The following EPB41L3 variants were observed in gnomAD, a reference collection of about 807,000 sequenced individuals.
EPB41L3 encodes erythrocyte membrane protein band 4.1 like 3.
In EPB41L3, 57 loss-of-function variants were observed where a neutral mutation model predicts 127.1. The ratio of observed to expected loss-of-function variants is 0.45; its 90% confidence interval spans 0.36 to 0.56. The LOEUF (loss-of-function observed/expected upper bound fraction) is 0.56, where lower values mean the gene tolerates loss of function less well. Among genes scored for constraint, EPB41L3 ranks in the 20% least tolerant of loss-of-function variants. The pLI is 0.00. For synonymous variants in EPB41L3, 572 were observed against 549.5 expected (o/e 1.04, Z -0.57); for missense variants, 1,273 against 1,372.2 (o/e 0.93, Z 1.14).
intron 3 of EPB41L3, 34 bp downstream of exon 3, chr18:5,478,207 T>C: frequency 6.3e-7 from 1 of 1,591,808 alleles, no homozygotes; most frequent in Non-Finnish European, 8.6e-7. Flanking sequence ...GCTCTCAATA[T>C]CTAGGACAGA....
At chr18:5,630,349 C>A (rs750060102), upstream of EPB41L3, 3 of 517,562 alleles carry the variant, frequency 5.8e-6, no homozygotes, top group South Asian at 4.2e-5. Flanking sequence ...GGCCTACGCC[C>A]GGCTGCCAAG....
intron 3 of EPB41L3, among the ~76,000 whole-genome samples, chr18:5,560,940 ATTATTTATTTATTTATTTAT>A (rs138212314): frequency 0.028 from 3,583 of 128,424 alleles, 145 homozygotes; most frequent in Non-Finnish European, 0.04. Context: ...CATAGTTGTA[ATTATTTATTTATTTATTTAT>A]TTATTTATTT....
Position 5,398,053 on chromosome 18 carries a change from C to G in EPB41L3, c.2440G>C (p.Gly814Arg), listed in dbSNP as rs752522968. 2 of 1,614,132 alleles carry G rather than the reference C, an allele frequency of 1.2e-6. No individual in the cohort carries two copies. The highest frequency in any genetic ancestry group is 3.3e-5 in the Admixed American group (2 of 60,018). The change falls in exon 17 of 23, where the codon GGG becomes CGG. Residue 814 changes from glycine (G) to arginine (R), a missense_variant. Around this residue, in one of 3 missense-constraint regions of EPB41L3, gnomAD observed 765 missense variants for 782.9 expected, o/e 0.98. Transcript: ENST00000341928. ...CAGCTTTGAGAAGTAGAAGTAACCC[C>G]TCCTATGAATTCTGTTGGTTTTCGC... ...SARKPTEFIG[G>R]VTSTSQSWVQ...
intron 3 of EPB41L3, among the ~76,000 whole-genome samples, chr18:5,453,522 C>G (rs2082579323): frequency 6.6e-6 from 1 of 152,126 alleles, no homozygotes; most frequent in Non-Finnish European, 1.5e-5. Context: ...GGCTTAGGCT[C>G]AAACCCACTC....
chr18:5,606,265 A>G (rs566367006), intron 3 of EPB41L3, among the ~76,000 whole-genome samples: 28 of 152,298 alleles, frequency 1.8e-4, no homozygotes, highest in East Asian at 9.6e-4. Context: ...ACATTTTGGG[A>G]GGGCAGGTGG....
chr18:5,514,625 TAC>T (rs1271978020), intron 1 of EPB41L3, among the ~76,000 whole-genome samples: 1 of 152,316 alleles, frequency 6.6e-6, no homozygotes, highest in Middle Eastern at 3.4e-3. Flanking sequence ...TAATGAAAGT[TAC>T]AGAGAAACAA....
chr18:5,569,633 A>T (rs1021061102), intron 3 of EPB41L3, among the ~76,000 whole-genome samples: 1 of 152,170 alleles, frequency 6.6e-6, no homozygotes, highest in Non-Finnish European at 1.5e-5. Context: ...CATGGAAAAT[A>T]TCTCTTTTTC....
rs777731525 is a variant in EPB41L3, at chr18:5,416,384, G to A, written c.1507-6C>T. On this transcript the variant is annotated splice_region_variant and splice_polypyrimidine_tract_variant and intron_variant, in intron 12 of 22. Coordinates refer to ENST00000341928, the MANE Select transcript of EPB41L3 (RefSeq NM_012307.5). ...TCAGTGCCAAGCCCAGGTGACTGATGTGAAAGAGACAGAAAGAGACAGAAA... is the reference window on the plus strand; with the variant it reads ...TCAGTGCCAAGCCCAGGTGACTGATATGAAAGAGACAGAAAGAGACAGAAA... 3 of 1,607,120 alleles carry A rather than the reference G, an allele frequency of 1.9e-6. No individual in the cohort carries two copies. Among genetic ancestry groups the A allele is most frequent in the Non-Finnish European group, 1.7e-6 (2 of 1,175,932 alleles).
At chr18:5,566,126 A>G (rs1477884311) in intron 3 of EPB41L3, among the ~76,000 whole-genome samples, 1 of 152,176 alleles carries the variant, frequency 6.6e-6, no homozygotes, top group African/African-American at 2.4e-5. Flanking sequence ...ACAATCAGGC[A>G]GGAGAAGGAA....
chr18:5,587,218 G>A (rs764174742), intron 3 of EPB41L3, among the ~76,000 whole-genome samples: 9 of 152,072 alleles, frequency 5.9e-5, no homozygotes, highest in Admixed American at 1.3e-4. Context: ...GACCGTGGGC[G>A]TTAGACAGCA....
At chr18:5,613,205 T>C (rs1007174775) in intron 2 of EPB41L3, among the ~76,000 whole-genome samples, 3 of 152,300 alleles carry the variant, frequency 2.0e-5, no homozygotes, top group Admixed American at 1.3e-4. Flanking sequence ...GTGAGTGACC[T>C]TGACCAAGCC....
chr18:5,413,482 T>C (rs1032946838), intron 13 of EPB41L3, among the ~76,000 whole-genome samples: 1 of 152,182 alleles, frequency 6.6e-6, no homozygotes, highest in African/African-American at 2.4e-5. Context: ...ATACAATATT[T>C]AAAAAGAATT....
At chr18:5,561,117 A>G (rs2094126532) in intron 3 of EPB41L3, among the ~76,000 whole-genome samples, 1 of 148,884 alleles carries the variant, frequency 6.7e-6, no homozygotes. Flanking sequence ...AGCTGGGACT[A>G]CAGGCGCCCG....
chr18:5,463,696 C>T (rs539833070), intron 3 of EPB41L3: 1 of 152,194 alleles, frequency 6.6e-6, no homozygotes, highest in Non-Finnish European at 1.5e-5. Flanking sequence ...TGCCGACAAC[C>T]CTAAGGAGTA....
chr18:5,623,814 A>AT (rs1402922786), intron 1 of EPB41L3, among the ~76,000 whole-genome samples: 5 of 151,844 alleles, frequency 3.3e-5, no homozygotes, highest in Admixed American at 1.3e-4. Context: ...CACCAGGCTA[A>AT]TTTTTTTATT....
In EPB41L3 at chr18:5,489,180, T is replaced by G; in HGVS notation, c.4A>C (p.Thr2Pro). Reference protein sequence around the residue: MTTESGSDSESK... With the variant: MPTESGSDSESK... ...TCCGAGTCTGATCCAGATTCGGTCG[T>G]CATGGTTGATTGTTCTGCAAGCAGA... Residue 2 changes from threonine (T) to proline (P), a missense_variant, in exon 2 of 23, where the codon ACG becomes CCG. By Grantham distance (38) the Thr-to-Pro change is conservative. Transcript: ENST00000341928. The G allele has an allele frequency of 6.3e-7, 1 of 1,593,460 alleles. No homozygotes were observed. Among genetic ancestry groups the G allele is most frequent in the South Asian group, 1.1e-5 (1 of 88,662 alleles).
chr18:5,505,830 C>T (rs2092142160), intron 1 of EPB41L3, among the ~76,000 whole-genome samples: 1 of 137,316 alleles, frequency 7.3e-6, no homozygotes, highest in African/African-American at 2.8e-5. Context: ...CCTTCACCTC[C>T]ACCCCTTCCC....
rs908694710 is a variant in EPB41L3 at position 5,462,267 on chromosome 18, T to C, written c.381+15974A>G. On this transcript the variant is annotated intron_variant, in intron 3 of 22. Transcript: ENST00000341928. ...CATAAACATGTAATGTTATGGTTCT[T>C]ACCACTTTGTACAGCTGAAATTCTA... Among the ~76,000 whole-genome samples the C allele has an allele frequency of 5.3e-5, 8 of 152,322 alleles. 1 individual carries two copies. The highest frequency in any genetic ancestry group is 4.6e-4 in the Admixed American group (7 of 15,294).
Position 5,478,241 on chromosome 18 carries a change from C to T in EPB41L3, c.381G>A (p.Glu127=), listed in dbSNP as rs199604887. The T allele has an allele frequency of 3.5e-5, 56 of 1,613,916 alleles. No homozygotes were observed. The East Asian group carries it at 1.2e-3, about 36-fold the overall frequency. Residue 127 remains glutamate (E), a splice_region_variant and synonymous_variant, in exon 3 of 23, where the codon GAG becomes GAA. Transcript: ENST00000341928. ...LDGSEYTCDV[E]KRSRGQVLFD... ...GAAAAGTCTTAAGACACACACTTAC[C>T]TCTACATCACAGGTATATTCTGATC...
Sources: allele counts gnomAD v4.1 joint callset (sites outside exome capture counted in the v4.1 genomes callset), GRCh38; gene constraint gnomAD v4.1.1; regional missense constraint gnomAD v4.1.1; transcripts MANE v1.5; gene names NCBI Gene and HGNC (gene_info 2026-07-23, HGNC 2026-07-21).